The following CERS6 variants were observed in gnomAD, a reference collection of about 807,000 sequenced individuals.
The protein encoded by CERS6 is ceramide synthase 6.
In CERS6, 26 loss-of-function variants were observed where a neutral mutation model predicts 56.8. That is an observed-to-expected ratio of 0.46 (90% CI 0.34 to 0.63). The LOEUF (loss-of-function observed/expected upper bound fraction) is 0.63. CERS6 is among the 30% of genes least tolerant of loss of function. The pLI, the probability that CERS6 is intolerant of heterozygous loss-of-function variation, is 0.01. For missense variants in CERS6, 415 were observed against 467.5 expected, an observed-to-expected ratio of 0.89 and a Z score of 1.04; for synonymous variants, 164 against 173.3, an observed-to-expected ratio of 0.95 and a Z score of 0.42.
intron 4 of CERS6, among the ~76,000 whole-genome samples, chr2:168,664,573 T>G (rs1360178431): frequency 3.3e-4 from 50 of 152,158 alleles, no homozygotes; most frequent in Non-Finnish European, 1.5e-5. Flanking sequence ...GGTTACTTTT[T>G]GGTGATAGGC....
chr2:168,511,506 G>C (rs1161619160), intron 1 of CERS6, among the ~76,000 whole-genome samples: 1 of 152,230 alleles, frequency 6.6e-6, no homozygotes, highest in East Asian at 1.9e-4. Context: ...TTGGTGTTCT[G>C]AAATTTCCCA....
chr2:168,626,469 A>C (rs1331171107), intron 3 of CERS6, among the ~76,000 whole-genome samples: 1 of 152,182 alleles, frequency 6.6e-6, no homozygotes, highest in East Asian at 1.9e-4. Context: ...ACATTTTAGT[A>C]GTCTTGATTT....
intron 8 of CERS6, among the ~76,000 whole-genome samples, chr2:168,755,065 C>T (rs1684379079): frequency 6.6e-6 from 1 of 152,224 alleles, no homozygotes; most frequent in Admixed American, 6.5e-5. Context: ...CCACCATGCC[C>T]AGCCCATGTT....
At chr2:168,466,386 C>T (rs1693878070) in intron 1 of CERS6, among the ~76,000 whole-genome samples, 4 of 152,096 alleles carry the variant, frequency 2.6e-5, no homozygotes, top group African/African-American at 9.7e-5. Flanking sequence ...GCAGCCTAGG[C>T]CACAGGTATA....
intron 8 of CERS6, among the ~76,000 whole-genome samples, chr2:168,749,497 C>T (rs1684199343): frequency 6.6e-6 from 1 of 152,206 alleles, no homozygotes; most frequent in Non-Finnish European, 1.5e-5. Context: ...ACCCCTTATT[C>T]AACGCACCTA....
chr2:168,698,744 T>C (rs1350629994), intron 6 of CERS6, among the ~76,000 whole-genome samples: 1 of 152,210 alleles, frequency 6.6e-6, no homozygotes, highest in Non-Finnish European at 1.5e-5. Context: ...GTGTATCATT[T>C]TGTATTACTT....
chr2:168,517,225 C>T (rs1306381231), intron 1 of CERS6, among the ~76,000 whole-genome samples: 2 of 151,896 alleles, frequency 1.3e-5, no homozygotes, highest in South Asian at 2.1e-4. Flanking sequence ...GGCACAGTGG[C>T]TCATGCCTGT....
chr2:168,486,124 A>G (rs1357417225), intron 1 of CERS6, among the ~76,000 whole-genome samples: 3 of 152,100 alleles, frequency 2.0e-5, no homozygotes, highest in Non-Finnish European at 2.9e-5. Flanking sequence ...ATCTTTTCAT[A>G]TGCTTACCAT....
At chr2:168,568,563 C>T (rs1211391958) in intron 3 of CERS6, among the ~76,000 whole-genome samples, 1 of 120,460 alleles carries the variant, frequency 8.3e-6, no homozygotes, top group Non-Finnish European at 1.8e-5. Flanking sequence ...TTATCATTTA[C>T]TGCTTATACA....
chr2:168,474,515 A>G (rs950696400), intron 1 of CERS6, among the ~76,000 whole-genome samples: 1 of 152,228 alleles, frequency 6.6e-6, no homozygotes, highest in Non-Finnish European at 1.5e-5. Context: ...TGCAGCAAAT[A>G]GAATGTAATT....
chr2:168,719,128 T>C (rs1687298419), intron 8 of CERS6, among the ~76,000 whole-genome samples: 1 of 152,226 alleles, frequency 6.6e-6, no homozygotes, highest in Non-Finnish European at 1.5e-5. Context: ...ATTTGCTGCA[T>C]TACCAGCACT....
At chr2:168,548,658 T>C (rs1695509923) in intron 2 of CERS6, among the ~76,000 whole-genome samples, 1 of 152,254 alleles carries the variant, frequency 6.6e-6, no homozygotes, top group African/African-American at 2.4e-5. Flanking sequence ...ATTTCTTTTC[T>C]TGGTATTTGT....
intron 3 of CERS6, among the ~76,000 whole-genome samples, chr2:168,571,438 G>T (rs1470508683): frequency 6.6e-6 from 1 of 152,128 alleles, no homozygotes; most frequent in Non-Finnish European, 1.5e-5. Context: ...TAAGGGTGAA[G>T]GAGTTTGTGC....
chr2:168,690,253 A>G (rs1340519533), intron 4 of CERS6, among the ~76,000 whole-genome samples: 1 of 152,172 alleles, frequency 6.6e-6, no homozygotes, highest in African/African-American at 2.4e-5. Flanking sequence ...TGAGAGCTGT[A>G]GATAAGGGAT....
At chr2:168,470,009 C>CCT (rs1424227339) in intron 1 of CERS6, among the ~76,000 whole-genome samples, 1 of 152,010 alleles carries the variant, frequency 6.6e-6, no homozygotes, top group Non-Finnish European at 1.5e-5. Context: ...ACCATTTCAT[C>CCT]CTGATTTGAG....
At chr2:168,604,154 C>G (rs1434479536) in intron 3 of CERS6, among the ~76,000 whole-genome samples, 1 of 152,186 alleles carries the variant, frequency 6.6e-6, no homozygotes, top group African/African-American at 2.4e-5. Context: ...TTGGAGCCAT[C>G]CTTAATTAAG....
At chr2:168,551,140 C>T (rs1332728114) in intron 2 of CERS6, among the ~76,000 whole-genome samples, 1 of 152,172 alleles carries the variant, frequency 6.6e-6, no homozygotes, top group Non-Finnish European at 1.5e-5. Context: ...AAATGTGGAC[C>T]CTTCTGAATG....
chr2:168,703,838 T>A (rs1388913005), intron 6 of CERS6, among the ~76,000 whole-genome samples: 1 of 152,148 alleles, frequency 6.6e-6, no homozygotes, highest in Non-Finnish European at 1.5e-5. Flanking sequence ...TGAAGTTCAG[T>A]TTCCTCTGAG....
At chr2:168,657,106 C>T (rs990264322) in intron 4 of CERS6, among the ~76,000 whole-genome samples, 1 of 151,718 alleles carries the variant, frequency 6.6e-6, no homozygotes, top group Non-Finnish European at 1.5e-5. Context: ...AGGTTCTCCA[C>T]GTCCTCACCA....
Sources: gnomAD v4.1 joint callset for allele counts (sites outside exome capture counted in the v4.1 genomes callset) on GRCh38, gnomAD v4.1.1 for gene constraint, MANE v1.5 for transcripts, NCBI Gene and HGNC (gene_info 2026-07-23, HGNC 2026-07-21) for gene names.